TNRC6C: variants seen among roughly 807,000 people sequenced by gnomAD.
TNRC6C encodes trinucleotide repeat-containing gene 6C protein.
Under a neutral mutation model 153.7 loss-of-function variants are expected in TNRC6C, and 20 were observed. That is an observed-to-expected ratio of 0.13 (90% CI 0.09 to 0.19). The LOEUF (loss-of-function observed/expected upper bound fraction) is 0.19. Among genes scored for constraint, TNRC6C ranks in the 10% least tolerant of loss-of-function variants. The pLI, the probability that TNRC6C is intolerant of heterozygous loss-of-function variation, is 1.00. For missense variants in TNRC6C, 1,987 were observed against 2,172.0 expected (o/e 0.91, Z 1.69); for synonymous variants, 811 against 841.4 (o/e 0.96, Z 0.63).
At position 78,098,375 on chromosome 17, in the gene TNRC6C, T is replaced by G. The variant is rs777383827; in HGVS notation, c.4339T>G (p.Ser1447Ala). 7 of 1,613,606 alleles carry G rather than the reference T, an allele frequency of 4.3e-6. No homozygotes were observed. Among genetic ancestry groups the G allele is most frequent in the Non-Finnish European group, 5.9e-6 (7 of 1,179,740 alleles). The change falls in exon 17 of 20, where the codon TCT becomes GCT. Residue 1447 changes from serine (S) to alanine (A), a missense_variant. Around this residue, in one of 4 missense-constraint regions of TNRC6C, gnomAD observed 765 missense variants for 908.6 expected, o/e 0.84. Transcript: ENST00000301624. ...GTCAGACATCAAATCGACGTGGTCC[T>G]CTGGCCCTACCTCCCACACGCAAGC...
intron 1 of TNRC6C, among the ~76,000 whole-genome samples, chr17:77,997,530 C>T (rs1389323194): frequency 6.6e-6 from 1 of 152,192 alleles, no homozygotes; most frequent in Non-Finnish European, 1.5e-5. Context: ...ATGCCCCCAA[C>T]ACATACTGTC....
In TNRC6C at chr17:78,098,399, G is replaced by T. The variant is rs149684659; in HGVS notation, c.4363G>T (p.Ala1455Ser). Residue 1455 changes from alanine (A) to serine (S), a missense_variant, in exon 17 of 20, where the codon GCC becomes TCC. Around this residue, in one of 4 missense-constraint regions of TNRC6C, gnomAD observed 765 missense variants for 908.6 expected, o/e 0.84. Transcript: ENST00000301624. ...CTCTGGCCCTACCTCCCACACGCAA[G>T]CCTCTCTGTCTCATGAACTATGGAA... 5.6e-6 allele frequency: 9 copies of T among 1,613,876 alleles called. No individual in the cohort carries two copies. In the East Asian group the frequency reaches 2.0e-4, roughly 36 times the overall value.
chr17:78,072,775 T>TA (rs1283257326), intron 6 of TNRC6C, among the ~76,000 whole-genome samples: 1 of 152,214 alleles, frequency 6.6e-6, no homozygotes, highest in Non-Finnish European at 1.5e-5. Context: ...TAGGAGTACT[T>TA]ACAAGGTTTT....
chr17:78,078,232 A>G (rs2073118265), intron 9 of TNRC6C, among the ~76,000 whole-genome samples: 1 of 152,176 alleles, frequency 6.6e-6, no homozygotes, highest in Admixed American at 6.5e-5. Context: ...CAGCCCAGCT[A>G]GGGTGTGCAC....
rs146852812 is a variant in TNRC6C, at chr17:77,998,972, C to T, written c.-37-5198C>T. On this transcript the variant is annotated intron_variant, in intron 1 of 22. Transcript: ENST00000636222. ...GTAGGTTCAAGGCTTCCAGTGTCAGCTCAGTACTAGGCTCTCACTATGCTG... is the reference window on the plus strand; with the variant it reads ...GTAGGTTCAAGGCTTCCAGTGTCAGTTCAGTACTAGGCTCTCACTATGCTG... 1.7e-3 allele frequency among the ~76,000 whole-genome samples: 255 copies of T among 152,374 alleles called. 1 individual carries two copies. Among genetic ancestry groups the T allele is most frequent in the African/African-American group, 5.6e-3 (234 of 41,576 alleles).
chr17:77,987,712 C>T (rs1330415543), intron 1 of TNRC6C, among the ~76,000 whole-genome samples: 2 of 152,076 alleles, frequency 1.3e-5, no homozygotes, highest in African/African-American at 4.8e-5. Context: ...CTCTCTCTGT[C>T]GCCCAGGCTG....
At chr17:78,072,483 G>A (rs898123932) in intron 6 of TNRC6C, among the ~76,000 whole-genome samples, 1 of 152,188 alleles carries the variant, frequency 6.6e-6, no homozygotes, top group East Asian at 1.9e-4. Flanking sequence ...CAGGAATCCT[G>A]TCCTAGGAGA....
At chr17:77,989,816 T>G (rs1219954869) in intron 1 of TNRC6C, among the ~76,000 whole-genome samples, 2 of 152,212 alleles carry the variant, frequency 1.3e-5, no homozygotes, top group Non-Finnish European at 2.9e-5. Context: ...TATGCTGTTG[T>G]TCCTTAAGCC....
At chr17:78,043,885 A>T (rs1049039916) in intron 2 of TNRC6C, among the ~76,000 whole-genome samples, 71 of 152,184 alleles carry the variant, frequency 4.7e-4, no homozygotes, top group African/African-American at 1.6e-3. Flanking sequence ...TGTTGTTGCA[A>T]ATGACAGGAT....
intron 16 of TNRC6C, 82 bp downstream of exon 19, chr17:78,097,943 A>C (rs374583388): frequency 8.6e-6 from 10 of 1,158,126 alleles, no homozygotes; most frequent in Admixed American, 2.5e-5. Context: ...AGCTTTTCCT[A>C]TTGGCTCTTT....
intron 17 of TNRC6C, 99 bp downstream of exon 20, chr17:78,098,636 T>G (rs923961478): frequency 1.5e-5 from 20 of 1,374,892 alleles, no homozygotes; most frequent in Non-Finnish European, 2.0e-5. Context: ...CCCCTGCCTG[T>G]AACTCTGGAG....
At chr17:78,022,150 A>T (rs1344271433) in intron 1 of TNRC6C, among the ~76,000 whole-genome samples, 1 of 152,040 alleles carries the variant, frequency 6.6e-6, no homozygotes, top group South Asian at 2.1e-4. Flanking sequence ...TTTTTCCCCC[A>T]TCCTTTAAAA....
intron 1 of TNRC6C, among the ~76,000 whole-genome samples, chr17:77,971,630 T>C (rs2144063863): frequency 6.6e-6 from 1 of 152,240 alleles, no homozygotes; most frequent in South Asian, 2.1e-4. Context: ...ATAGAACTAA[T>C]ATCGAGCCTT....
chr17:78,066,553 A>G (rs1342418262), intron 4 of TNRC6C: 2 of 152,130 alleles, frequency 1.3e-5, no homozygotes, highest in Non-Finnish European at 2.9e-5. Context: ...CCTATTCCAT[A>G]TGTTTATCAG....
chr17:77,969,909 AT>A (rs1210767246), intron 1 of TNRC6C, among the ~76,000 whole-genome samples: 1 of 152,216 alleles, frequency 6.6e-6, no homozygotes. Flanking sequence ...TCTGAAAAAA[AT>A]GTATCACCTT....
chr17:78,043,142 A>G (rs1025081553), intron 2 of TNRC6C, among the ~76,000 whole-genome samples: 1 of 152,206 alleles, frequency 6.6e-6, no homozygotes, highest in African/African-American at 2.4e-5. Context: ...GAAAAAAAGG[A>G]AAAAAGAATA....
At chr17:77,994,463 T>C (rs941993560) in intron 1 of TNRC6C, among the ~76,000 whole-genome samples, 4 of 152,218 alleles carry the variant, frequency 2.6e-5, no homozygotes, top group African/African-American at 9.6e-5. Context: ...GTTAGTTTAA[T>C]GGCTCCTGAA....
intron 1 of TNRC6C, among the ~76,000 whole-genome samples, chr17:77,993,504 G>A (rs908924277): frequency 3.9e-5 from 6 of 152,170 alleles, no homozygotes; most frequent in Non-Finnish European, 7.4e-5. Context: ...ATACTTGTTA[G>A]TATACAAAGT....
intron 1 of TNRC6C, among the ~76,000 whole-genome samples, chr17:78,024,836 C>A (rs2071906443): frequency 6.6e-6 from 1 of 151,720 alleles, no homozygotes; most frequent in Non-Finnish European, 1.5e-5. Flanking sequence ...GCTCTGTTGC[C>A]CAGGCTGGAG....
Sources: allele counts gnomAD v4.1 joint callset (sites outside exome capture counted in the v4.1 genomes callset), GRCh38; gene constraint gnomAD v4.1.1; regional missense constraint gnomAD v4.1.1; transcripts MANE v1.5; gene names NCBI Gene and HGNC (gene_info 2026-07-23, HGNC 2026-07-21).